Variants in NOL4 observed in about 807,000 individuals in gnomAD.
NOL4 encodes nucleolar protein 4.
NOL4 carries 17 observed loss-of-function variants against 75.9 expected under a neutral mutation model. The observed-to-expected ratio is 0.22, with a 90% confidence interval of 0.15 to 0.34. The LOEUF (loss-of-function observed/expected upper bound fraction) is 0.34, where lower values mean the gene tolerates loss of function less well. NOL4 is among the 10% of genes least tolerant of loss of function. The pLI is 1.00. For synonymous variants in NOL4, 292 were observed against 289.9 expected, an observed-to-expected ratio of 1.01 and a Z score of -0.07; for missense variants, 614 against 793.5, an observed-to-expected ratio of 0.77 and a Z score of 2.72.
intron 9 of NOL4, among the ~76,000 whole-genome samples, chr18:33,913,784 C>T (rs1318944959): frequency 6.6e-6 from 1 of 152,048 alleles, no homozygotes; most frequent in African/African-American, 2.4e-5. Context: ...CCTTGGGTGC[C>T]ACACTATGAG....
chr18:33,927,748 A>G lies in NOL4; in HGVS notation c.1542+15317T>C, dbSNP rs553205982. Among the ~76,000 whole-genome samples, 8 of 152,324 alleles carry G rather than the reference A, an allele frequency of 5.3e-5. No individual in the cohort carries two copies. In the South Asian group the frequency reaches 1.7e-3, roughly 32 times the overall value. On this transcript the variant is annotated intron_variant, in intron 9 of 10. Transcript: ENST00000261592. ...AAAAAAAGTAAAATAAATTTAAATC[A>G]GTAATCTCCAGCTCTTTAGAAATCC...
In NOL4 at chr18:33,883,378, T is replaced by G; in HGVS notation, c.1589A>C (p.Gln530Pro). 6.2e-7 allele frequency: 1 copy of G among 1,612,970 alleles called. No homozygotes were observed. The highest frequency in any genetic ancestry group is 8.5e-7 in the Non-Finnish European group (1 of 1,179,460). The part of the protein sequence containing the change: ...ADKQCKPEAT[Q>P]ATYSTSAVPG... ...AACAGCTGATGTTGAGTAAGTGGCC[T>G]GGGTCGCCTCTGGTTTACACTGTTT... Residue 530 changes from glutamine (Q) to proline (P), a missense_variant, in exon 10 of 11, where the codon CAG (glutamine) becomes CCG (proline). Gln to Pro is a moderately conservative substitution (Grantham distance 76). Transcript: ENST00000261592.
chr18:34,001,753 C>T (rs1447501778), intron 6 of NOL4: 1 of 152,644 alleles, frequency 6.6e-6, no homozygotes, highest in East Asian at 1.9e-4. Flanking sequence ...AAATCTGTAA[C>T]TGTGTGTGAT....
At chr18:34,133,343 GACATA>G (rs1568378605) in intron 1 of NOL4, among the ~76,000 whole-genome samples, 1 of 150,244 alleles carries the variant, frequency 6.7e-6, no homozygotes, top group South Asian at 2.1e-4. Flanking sequence ...AATGCTAGTA[GACATA>G]ACATATGATA....
chr18:34,093,859 G>A (rs894135000), intron 4 of NOL4, among the ~76,000 whole-genome samples: 1 of 152,076 alleles, frequency 6.6e-6, no homozygotes, highest in African/African-American at 2.4e-5. Flanking sequence ...CTAACACGGT[G>A]AAACCCCGTC....
intron 1 of NOL4, among the ~76,000 whole-genome samples, chr18:34,164,494 G>A (rs2032032412): frequency 6.6e-6 from 1 of 152,168 alleles, no homozygotes; most frequent in African/African-American, 2.4e-5. Flanking sequence ...ATGAAAAAAT[G>A]CTCACCATCA....
At chr18:33,888,044 A>T (rs2064869273) in intron 9 of NOL4, among the ~76,000 whole-genome samples, 2 of 152,166 alleles carry the variant, frequency 1.3e-5, no homozygotes, top group Admixed American at 1.3e-4. Flanking sequence ...GAACAGCTTA[A>T]AAGTGTTCCT....
intron 10 of NOL4, among the ~76,000 whole-genome samples, chr18:33,868,501 T>C (rs552589898): frequency 3.9e-5 from 6 of 152,214 alleles, no homozygotes; most frequent in African/African-American, 1.4e-4. Flanking sequence ...AGGGAAGGTA[T>C]TCTAAATCAC....
chr18:34,127,329 T>C (rs1279166339), intron 2 of NOL4, among the ~76,000 whole-genome samples: 1 of 151,948 alleles, frequency 6.6e-6, no homozygotes, highest in African/African-American at 2.4e-5. Context: ...CCACTAGATC[T>C]ATTGATAATA....
At chr18:33,957,954 C>T (rs983099312) in intron 7 of NOL4, among the ~76,000 whole-genome samples, 9 of 152,076 alleles carry the variant, frequency 5.9e-5, no homozygotes, top group Admixed American at 1.3e-4. Flanking sequence ...TAACAGATGA[C>T]GGGCGTACTC....
chr18:33,939,783 C>T (rs774624218), intron 9 of NOL4, among the ~76,000 whole-genome samples: 10 of 152,048 alleles, frequency 6.6e-5, no homozygotes, highest in Non-Finnish European at 1.3e-4. Flanking sequence ...TGCCTGATTG[C>T]CCTTGCCAGA....
At position 33,883,256 on chromosome 18, in the gene NOL4, C is replaced by T. The variant is rs754791222; in HGVS notation, c.1711G>A (p.Ala571Thr). 1 of 1,592,528 alleles carries T rather than the reference C, an allele frequency of 6.3e-7. No homozygotes were observed. Among genetic ancestry groups the T allele is most frequent in the South Asian group, 1.1e-5 (1 of 86,980 alleles). ...LGGGLLNLND[A>T]SSSGPTDLSM... ...GATAAATACTCACCACTGCTGGAAG[C>T]ATCATTCAGATTTAGCAGACCCCCT... The change falls in exon 10 of 11, where the codon GCT (alanine) becomes ACT (threonine). Residue 571 changes from alanine to threonine, a missense_variant. Physicochemically the swap from Ala to Thr is moderately conservative, Grantham distance 58. Transcript: ENST00000261592.
intron 5 of NOL4, among the ~76,000 whole-genome samples, chr18:34,054,840 C>G (rs143789695): frequency 2.3e-3 from 351 of 151,506 alleles, no homozygotes; most frequent in African/African-American, 7.9e-3. Context: ...TAATGGCATG[C>G]TTTGACTTTC....
intron 9 of NOL4, among the ~76,000 whole-genome samples, chr18:33,930,023 G>A (rs140782178): frequency 6.6e-6 from 1 of 152,156 alleles, no homozygotes; most frequent in Non-Finnish European, 1.5e-5. Flanking sequence ...TGTACCAACA[G>A]AATTCAGGTC....
intron 1 of NOL4, chr18:34,222,217 G>A (rs2037368297): frequency 7.1e-7 from 1 of 1,413,678 alleles, no homozygotes; most frequent in Admixed American, 3.0e-5. Context: ...GTGGCCATGA[G>A]ACTAGAGCCA....
At chr18:34,048,896 ACT>A (rs1191811034) in intron 5 of NOL4, among the ~76,000 whole-genome samples, 1 of 152,004 alleles carries the variant, frequency 6.6e-6, no homozygotes, top group African/African-American at 2.4e-5. Flanking sequence ...CAGTTTAAAT[ACT>A]CTGTGTAGCT....
At chr18:34,077,629 G>A (rs1568312392) in intron 5 of NOL4, among the ~76,000 whole-genome samples, 1 of 151,782 alleles carries the variant, frequency 6.6e-6, no homozygotes, top group African/African-American at 2.4e-5. Context: ...ACCTACCAAA[G>A]ATCCTAATTT....
intron 6 of NOL4, among the ~76,000 whole-genome samples, chr18:33,984,800 A>G (rs1168631853): frequency 1.3e-5 from 2 of 152,116 alleles, no homozygotes; most frequent in East Asian, 3.9e-4. Flanking sequence ...ACACTGGTCA[A>G]TTTTATCATT....
intron 1 of NOL4, among the ~76,000 whole-genome samples, chr18:34,176,843 T>C (rs1003964559): frequency 5.3e-5 from 8 of 152,138 alleles, no homozygotes; most frequent in Non-Finnish European, 1.2e-4. Context: ...TGGTATTTTG[T>C]TATGGCAGCC....
Sources: gnomAD v4.1 joint callset for allele counts (sites outside exome capture counted in the v4.1 genomes callset) on GRCh38, gnomAD v4.1.1 for gene constraint, MANE v1.5 for transcripts, NCBI Gene and HGNC (gene_info 2026-07-23, HGNC 2026-07-21) for gene names.